The following ZNF385B variants were observed in gnomAD, a reference collection of about 807,000 sequenced individuals.
ZNF385B encodes zinc finger protein 385B.
In ZNF385B, 23 loss-of-function variants were observed where a neutral mutation model predicts 39.2. The ratio of observed to expected loss-of-function variants is 0.59; its 90% CI spans 0.42 to 0.83. The LOEUF (loss-of-function observed/expected upper bound fraction) is 0.83, where lower values mean the gene tolerates loss of function less well. Ranked by LOEUF, ZNF385B falls within the 40% of genes least tolerant of loss-of-function variation. The pLI, the probability that ZNF385B is intolerant of heterozygous loss-of-function variation, is 0.00. For synonymous variants in ZNF385B, 205 were observed against 222.6 expected, an observed-to-expected ratio of 0.92 and a Z score of 0.70; for missense variants, 552 against 598.9, an observed-to-expected ratio of 0.92 and a Z score of 0.82.
In ZNF385B at chr2:179,609,853, G is replaced by A. The variant is rs550198971; in HGVS notation, c.299-64884C>T. Reference sequence around the variant, plus strand: ...TGAGCACCATTTCATATACTTGTGTGCCATTTGTATGTCTTCCTTTGAGAA... The same window carrying A: ...TGAGCACCATTTCATATACTTGTGTACCATTTGTATGTCTTCCTTTGAGAA... On this transcript the variant is annotated intron_variant, in intron 3 of 9. Coordinates refer to ENST00000410066, the MANE Select transcript of ZNF385B (RefSeq NM_152520.6). Among the ~76,000 whole-genome samples the A allele has an allele frequency of 3.7e-4, 57 of 152,276 alleles. No homozygotes were observed. In the South Asian group the frequency reaches 0.012, roughly 32 times the overall value.
At chr2:179,692,665 T>C (rs145579276) in intron 3 of ZNF385B, among the ~76,000 whole-genome samples, 1 of 152,336 alleles carries the variant, frequency 6.6e-6, no homozygotes, top group African/African-American at 2.4e-5. Flanking sequence ...AAGTTGTCTT[T>C]CATGCCACTG....
In ZNF385B at chr2:179,610,546, G is replaced by A. The variant is rs952129159; in HGVS notation, c.299-65577C>T. ...TATCATTGGCTAATCTGGGTCTTTT[G>A]TGATTTCATGTAAATTTTAGGATAG... On this transcript the variant is annotated intron_variant, in intron 3 of 9. Coordinates refer to ENST00000410066, the MANE Select transcript of ZNF385B (RefSeq NM_152520.6). Among the ~76,000 whole-genome samples the A allele has an allele frequency of 8.5e-5, 13 of 152,048 alleles. 1 individual carries two copies. The highest frequency in any genetic ancestry group is 3.1e-4 in the African/African-American group (13 of 41,426).
chr2:179,730,718 GTGAA>G (rs1701334726), intron 3 of ZNF385B, among the ~76,000 whole-genome samples: 1 of 152,184 alleles, frequency 6.6e-6, no homozygotes, highest in Admixed American at 6.5e-5. Flanking sequence ...GAATGATCAT[GTGAA>G]TGAATGAACA....
At chr2:179,684,278 G>A (rs956833929) in intron 3 of ZNF385B, among the ~76,000 whole-genome samples, 4 of 152,170 alleles carry the variant, frequency 2.6e-5, no homozygotes, top group African/African-American at 9.7e-5. Flanking sequence ...TGTACTCAGA[G>A]TTTAGCTTGT....
In ZNF385B at chr2:179,443,367, G is replaced by A. The variant is rs748573317; in HGVS notation, c.1344C>T (p.Leu448=). 9.3e-6 allele frequency: 15 copies of A among 1,612,384 alleles called. No homozygotes were observed. The Admixed American group carries it at 1.7e-4, about 18-fold the overall frequency. ...AAAAVSSALS[L]PPRPSASLFQ... is the part of the protein sequence containing the mutation. ...AGAGCGAGGCAGAGGGCCGGGGTGG[G>A]AGTGACAGCGCTGAGGACACGGCTG... The change falls in exon 10 of 10, where the codon CTC becomes CTT. Residue 448 remains leucine, a synonymous_variant. Coordinates refer to ENST00000410066, the MANE Select transcript of ZNF385B (RefSeq NM_152520.6).
chr2:179,780,737 T>C (rs1490364832), intron 1 of ZNF385B, among the ~76,000 whole-genome samples: 1 of 152,250 alleles, frequency 6.6e-6, no homozygotes, highest in Non-Finnish European at 1.5e-5. Context: ...AATATGTATT[T>C]AGAAAATCAA....
chr2:179,733,380 T>A (rs1311312367), intron 3 of ZNF385B, among the ~76,000 whole-genome samples: 2 of 152,242 alleles, frequency 1.3e-5, no homozygotes, highest in Admixed American at 1.3e-4. Context: ...CTGTGATAAC[T>A]TTTGATCACA....
chr2:179,617,996 T>G (rs1689900318), intron 3 of ZNF385B, among the ~76,000 whole-genome samples: 1 of 151,428 alleles, frequency 6.6e-6, no homozygotes, highest in Non-Finnish European at 1.5e-5. Flanking sequence ...TTCTTCTTCC[T>G]GATTATTATT....
In ZNF385B at chr2:179,547,501, C is replaced by T. The variant is rs758452169; in HGVS notation, c.299-2532G>A. 8.9e-4 allele frequency among the ~76,000 whole-genome samples: 133 copies of T among 149,188 alleles called. 2 individuals are homozygous for T. The highest frequency in any genetic ancestry group is 3.4e-4 in the Non-Finnish European group (23 of 67,610). On this transcript the variant is annotated intron_variant, in intron 3 of 9. Coordinates refer to ENST00000410066, the MANE Select transcript of ZNF385B (RefSeq NM_152520.6). ...CTTTCCTCTATGTATATTTTTGACACCTTTGTCAAAAATGAGTTCACTGTA... is the reference window on the plus strand; with the variant it reads ...CTTTCCTCTATGTATATTTTTGACATCTTTGTCAAAAATGAGTTCACTGTA...
intron 1 of ZNF385B, among the ~76,000 whole-genome samples, chr2:179,789,159 A>C (rs1370377660): frequency 6.6e-6 from 1 of 152,198 alleles, no homozygotes; most frequent in Non-Finnish European, 1.5e-5. Context: ...ATTATAGAAA[A>C]AAAAACCCTG....
intron 3 of ZNF385B, among the ~76,000 whole-genome samples, chr2:179,736,959 G>A (rs1162005578): frequency 7.9e-5 from 12 of 152,136 alleles, no homozygotes; most frequent in Admixed American, 7.9e-4. Flanking sequence ...ACAGAGCGAG[G>A]CTCCGTCTCC....
intron 6 of ZNF385B, among the ~76,000 whole-genome samples, chr2:179,457,247 G>A (rs1159075686): frequency 6.6e-6 from 1 of 152,102 alleles, no homozygotes; most frequent in Non-Finnish European, 1.5e-5. Flanking sequence ...CCCATTGTAT[G>A]AGTATGCCAC....
At chr2:179,683,112 C>T (rs749968786) in intron 3 of ZNF385B, among the ~76,000 whole-genome samples, 1 of 152,090 alleles carries the variant, frequency 6.6e-6, no homozygotes, top group African/African-American at 2.4e-5. Flanking sequence ...CCAGGCCAGG[C>T]GCCGGTGGCT....
intron 3 of ZNF385B, among the ~76,000 whole-genome samples, chr2:179,767,576 G>A (rs918245825): frequency 2.0e-5 from 3 of 152,158 alleles, no homozygotes; most frequent in African/African-American, 7.2e-5. Flanking sequence ...CTACCCAGCA[G>A]GAAACACAAA....
At chr2:179,781,451 C>T (rs1320828398) in intron 1 of ZNF385B, among the ~76,000 whole-genome samples, 1 of 152,182 alleles carries the variant, frequency 6.6e-6, no homozygotes, top group African/African-American at 2.4e-5. Flanking sequence ...CTTGAATATA[C>T]ATATTGGACA....
Position 179,704,227 on chromosome 2 carries a change from A to G in ZNF385B, c.298+65276T>C, listed in dbSNP as rs367996910. ...AAAAATGATATAAATATTTATTGAAAGAGTTTGATAATCCACTGTTAGAAA... is the reference window on the plus strand; with the variant it reads ...AAAAATGATATAAATATTTATTGAAGGAGTTTGATAATCCACTGTTAGAAA... On this transcript the variant is annotated intron_variant, in intron 3 of 9. Transcript: ENST00000410066. Among the ~76,000 whole-genome samples the G allele has an allele frequency of 5.2e-3, 787 of 152,328 alleles. 12 individuals are homozygous for G. The highest frequency in any genetic ancestry group is 9.2e-3 in the Non-Finnish European group (628 of 68,026).
At chr2:179,725,026 A>G (rs1419814712) in intron 3 of ZNF385B, among the ~76,000 whole-genome samples, 1 of 152,084 alleles carries the variant, frequency 6.6e-6, no homozygotes, top group Non-Finnish European at 1.5e-5. Context: ...AAATTACATA[A>G]TTCACATAAA....
At chr2:179,602,985 A>C (rs1371988263) in intron 3 of ZNF385B, among the ~76,000 whole-genome samples, 1 of 152,248 alleles carries the variant, frequency 6.6e-6, no homozygotes, top group Admixed American at 6.5e-5. Context: ...CTAAAGATCA[A>C]TATAATTCCA....
intron 3 of ZNF385B, among the ~76,000 whole-genome samples, chr2:179,682,546 T>A (rs1182911593): frequency 1.3e-5 from 2 of 152,224 alleles, no homozygotes; most frequent in African/African-American, 4.8e-5. Flanking sequence ...TTTAACTCTG[T>A]CTCTGAACAA....
Sources: gnomAD v4.1 joint callset for allele counts (sites outside exome capture counted in the v4.1 genomes callset) on GRCh38, gnomAD v4.1.1 for gene constraint, MANE v1.5 for transcripts, NCBI Gene and HGNC (gene_info 2026-07-23, HGNC 2026-07-21) for gene names.